MCTP1: variants seen among roughly 807,000 people sequenced by gnomAD.
MCTP1 encodes the protein multiple C2 and transmembrane domain-containing protein 1.
In MCTP1, 69 loss-of-function variants were observed where a neutral mutation model predicts 120.6. The ratio of observed to expected loss-of-function variants is 0.57; its 90% CI spans 0.47 to 0.70. The LOEUF (loss-of-function observed/expected upper bound fraction) is 0.70, where lower values mean the gene tolerates loss of function less well. MCTP1 is among the 30% of genes least tolerant of loss of function. MCTP1 has a pLI of 0.00. For missense variants in MCTP1, 1,203 were observed against 1,248.8 expected, an observed-to-expected ratio of 0.96 and a Z score of 0.55; for synonymous variants, 529 against 493.1, an observed-to-expected ratio of 1.07 and a Z score of -0.96.
chr5:94,794,090 TATC>T (rs1256552474), intron 18 of MCTP1, among the ~76,000 whole-genome samples: 1 of 152,238 alleles, frequency 6.6e-6, no homozygotes, highest in African/African-American at 2.4e-5. Context: ...GTCACAGTCA[TATC>T]ATGAGTCAGA....
At chr5:95,233,372 A>G (rs1755180605) in intron 1 of MCTP1, among the ~76,000 whole-genome samples, 1 of 149,506 alleles carries the variant, frequency 6.7e-6, no homozygotes, top group Non-Finnish European at 1.5e-5. Flanking sequence ...TCTGTCACCT[A>G]GGCTGGAGTG....
intron 1 of MCTP1, among the ~76,000 whole-genome samples, chr5:95,045,119 T>C (rs1842956810): frequency 6.6e-6 from 1 of 152,060 alleles, no homozygotes; most frequent in South Asian, 2.1e-4. Flanking sequence ...CTTGTGTGAG[T>C]TTCTTGAATG....
At chr5:95,031,973 A>C (rs1313188495) in intron 1 of MCTP1, among the ~76,000 whole-genome samples, 1 of 152,182 alleles carries the variant, frequency 6.6e-6, no homozygotes, top group East Asian at 1.9e-4. Context: ...AGTTTAAATC[A>C]ACAACAGTAA....
intron 10 of MCTP1, among the ~76,000 whole-genome samples, chr5:94,905,075 A>C (rs1484779693): frequency 2.6e-5 from 4 of 152,220 alleles, no homozygotes; most frequent in African/African-American, 9.6e-5. Context: ...CGCCTCCCTG[A>C]TGAGACATTG....
At chr5:94,973,639 T>C (rs796540609) in intron 2 of MCTP1, among the ~76,000 whole-genome samples, 2 of 152,260 alleles carry the variant, frequency 1.3e-5, no homozygotes, top group South Asian at 2.1e-4. Flanking sequence ...TGTTAATATA[T>C]TACCTTTGCT....
chr5:94,714,667 ACC>A, intron 20 of MCTP1, 108 bp downstream of exon 20: 2 of 743,760 alleles, frequency 2.7e-6, no homozygotes, highest in Non-Finnish European at 4.9e-6. Flanking sequence ...GCAATAGAGC[ACC>A]CAGAAGGAGT....
chr5:95,076,856 A>T (rs10061397), intron 1 of MCTP1, among the ~76,000 whole-genome samples: 138,272 of 152,172 alleles, frequency 0.91, 63,219 homozygotes, highest in Non-Finnish European at 0.97. Context: ...ATGTGTAATT[A>T]CCCCAGTACA....
intron 12 of MCTP1, among the ~76,000 whole-genome samples, chr5:94,881,145 T>C (rs1799972759): frequency 6.6e-6 from 1 of 152,144 alleles, no homozygotes; most frequent in Non-Finnish European, 1.5e-5. Flanking sequence ...AGACTTGATA[T>C]TAGAATTCAA....
chr5:94,896,073 T>C (rs1471800678), intron 10 of MCTP1, among the ~76,000 whole-genome samples: 1 of 152,170 alleles, frequency 6.6e-6, no homozygotes, highest in Non-Finnish European at 1.5e-5. Context: ...TCATGCTGTC[T>C]CCTCAAACTC....
intron 17 of MCTP1, among the ~76,000 whole-genome samples, chr5:94,820,145 T>C (rs913659239): frequency 3.3e-5 from 5 of 152,244 alleles, no homozygotes; most frequent in African/African-American, 1.2e-4. Context: ...TCCTAACATA[T>C]TGATGTCATG....
chr5:94,933,891 A>G (rs1815446207), intron 5 of MCTP1, among the ~76,000 whole-genome samples: 1 of 151,872 alleles, frequency 6.6e-6, no homozygotes, highest in Non-Finnish European at 1.5e-5. Flanking sequence ...AGCAGGCTGC[A>G]TGGTTTTATT....
At position 94,970,791 on chromosome 5, in the gene MCTP1, T is replaced by C. The variant is rs187351515; in HGVS notation, c.839-17430A>G. ...TTTTTTAAAAGAACTTTAACTTTCC[T>C]ATTTAAAAAATCAGAATATTTTAAA... On this transcript the variant is annotated intron_variant, in intron 2 of 22. Transcript: ENST00000515393. Among the ~76,000 whole-genome samples the C allele has an allele frequency of 3.3e-5, 5 of 152,146 alleles. No homozygotes were observed. In the East Asian group the frequency reaches 9.7e-4, roughly 29 times the overall value.
At chr5:95,243,097 G>A (rs897524987) in intron 1 of MCTP1, among the ~76,000 whole-genome samples, 1 of 152,122 alleles carries the variant, frequency 6.6e-6, no homozygotes, top group Non-Finnish European at 1.5e-5. Flanking sequence ...TGATACAAGG[G>A]AAATTTGGCT....
intron 1 of MCTP1, among the ~76,000 whole-genome samples, chr5:95,140,097 C>G (rs143824927): frequency 6.6e-6 from 1 of 152,178 alleles, no homozygotes; most frequent in Non-Finnish European, 1.5e-5. Flanking sequence ...CCAATGCAGA[C>G]AAGATTTGGA....
intron 2 of MCTP1, among the ~76,000 whole-genome samples, 185 bp from the exon 3 acceptor site, chr5:94,953,546 A>T (rs1821175908): frequency 6.6e-6 from 1 of 151,500 alleles, no homozygotes; most frequent in Admixed American, 6.6e-5. Flanking sequence ...AAATAATAAT[A>T]ATTATTATTA....
At chr5:94,711,291 G>A (rs544576897) in intron 20 of MCTP1, among the ~76,000 whole-genome samples, 2 of 152,204 alleles carry the variant, frequency 1.3e-5, no homozygotes, top group South Asian at 4.2e-4. Flanking sequence ...AGAGGGGAAT[G>A]CCCCTGGACC....
At chr5:95,000,071 A>G (rs978042873) in intron 2 of MCTP1, among the ~76,000 whole-genome samples, 1 of 152,214 alleles carries the variant, frequency 6.6e-6, no homozygotes, top group Non-Finnish European at 1.5e-5. Context: ...GATGGACTGC[A>G]TATATGATGG....
At chr5:95,282,914 A>C (rs539784491) in intron 1 of MCTP1, among the ~76,000 whole-genome samples, 1 of 152,368 alleles carries the variant, frequency 6.6e-6, no homozygotes, top group South Asian at 2.1e-4. Context: ...AGTGTCATTC[A>C]TCTAACATAA....
chr5:95,104,647 A>G (rs1346348446), intron 1 of MCTP1, among the ~76,000 whole-genome samples: 4 of 152,204 alleles, frequency 2.6e-5, no homozygotes, highest in Non-Finnish European at 5.9e-5. Context: ...TTCTTCTACA[A>G]TACAATGTGC....
Sources: allele counts gnomAD v4.1 joint callset (sites outside exome capture counted in the v4.1 genomes callset), GRCh38; gene constraint gnomAD v4.1.1; transcripts MANE v1.5; gene names NCBI Gene and HGNC (gene_info 2026-07-23, HGNC 2026-07-21).